The following MAML3 variants were observed in gnomAD, a reference collection of about 807,000 sequenced individuals.
MAML3 encodes mastermind like transcriptional coactivator 3, also known as mastermind-like protein 3.
MAML3 carries 27 observed loss-of-function variants against 101.9 expected under a neutral mutation model. The ratio of observed to expected loss-of-function variants is 0.27; its 90% CI spans 0.20 to 0.37. MAML3 has a LOEUF of 0.37. Among genes scored for constraint, MAML3 ranks in the 10% least tolerant of loss-of-function variants. MAML3 has a pLI of 1.00. For missense variants in MAML3, 1,316 were observed against 1,444.9 expected (o/e 0.91, Z 1.45); for synonymous variants, 501 against 555.9 (o/e 0.90, Z 1.39).
chr4:139,748,291 G>C (rs184288070), intron 2 of MAML3, among the ~76,000 whole-genome samples: 10 of 152,222 alleles, frequency 6.6e-5, no homozygotes, highest in African/African-American at 2.4e-4. Flanking sequence ...GGGGTTTCTA[G>C]GGCTGGTCAC....
intron 1 of MAML3, among the ~76,000 whole-genome samples, chr4:139,998,019 T>C (rs1734850765): frequency 1.3e-5 from 2 of 152,150 alleles, no homozygotes; most frequent in South Asian, 2.1e-4. Context: ...ACAGAGTTAG[T>C]TCTATTTGTT....
chr4:139,719,244 A>G lies in MAML3; in HGVS notation c.*79T>C. On this transcript the variant is annotated 3_prime_UTR_variant, in exon 5 of 5. Coordinates refer to ENST00000509479, the MANE Select transcript of MAML3 (RefSeq NM_018717.5). Reference sequence around the variant, plus strand: ...ACGTGGGTCAAAAAAACAAAAAACAAGGATGGGTCAACATCCTGTTTCTTT... The same window carrying G: ...ACGTGGGTCAAAAAAACAAAAAACAGGGATGGGTCAACATCCTGTTTCTTT... 6.8e-7 allele frequency: 1 copy of G among 1,477,862 alleles called. No homozygotes were observed. Among genetic ancestry groups the G allele is most frequent in the Non-Finnish European group, 9.0e-7 (1 of 1,110,382 alleles). The allele number at this position is 1,477,862 out of a possible 1,614,324, so 91.5% of individuals were successfully genotyped here. A position where few individuals can be genotyped will look rare whatever the true frequency, so the allele number is the denominator to read the frequency against.
intron 1 of MAML3, among the ~76,000 whole-genome samples, chr4:140,069,399 G>A (rs1453580814): frequency 5.1e-4 from 55 of 107,536 alleles, no homozygotes; most frequent in African/African-American, 1.8e-3. Flanking sequence ...GGAGGAGGAG[G>A]AGGAGGAGGA....
At chr4:139,730,806 AT>A in intron 2 of MAML3, 139 bp from the exon 3 acceptor site, 1 of 732,616 alleles carries the variant, frequency 1.4e-6, no homozygotes, top group South Asian at 1.9e-5. Context: ...CACGCATTGC[AT>A]TTCCATAAAC....
intron 1 of MAML3, among the ~76,000 whole-genome samples, chr4:139,959,051 G>A (rs1016845812): frequency 1.3e-5 from 2 of 152,176 alleles, no homozygotes; most frequent in African/African-American, 2.4e-5. Context: ...ACTAGTCTGT[G>A]TTGAGACTGA....
Position 139,730,399 on chromosome 4 carries a change from G to T in MAML3, c.2331+17C>A, listed in dbSNP as rs1240106348. 1 of 1,546,062 alleles carries T rather than the reference G, an allele frequency of 6.5e-7. No homozygotes were observed. The highest frequency in any genetic ancestry group is 8.7e-7 in the Non-Finnish European group (1 of 1,145,080). ...CTTGCTGAATGAATGAATGAATCAC[G>T]CCAAGGGGCATGTTACCTGTTCCGC... On this transcript the variant is annotated intron_variant, in intron 3 of 4. Transcript: ENST00000509479.
intron 2 of MAML3, among the ~76,000 whole-genome samples, chr4:139,790,086 C>A (rs113072963): frequency 1.3e-5 from 2 of 151,576 alleles, no homozygotes; most frequent in African/African-American, 4.8e-5. Context: ...GGACCCAGGA[C>A]CAACAAATTT....
At chr4:140,011,061 G>C (rs1726543697) in intron 1 of MAML3, among the ~76,000 whole-genome samples, 1 of 146,164 alleles carries the variant, frequency 6.8e-6, no homozygotes, top group African/African-American at 2.5e-5. Flanking sequence ...TGCACTGCTT[G>C]CACTCTAGCC....
At chr4:140,101,529 A>G (rs1284746501) in intron 1 of MAML3, among the ~76,000 whole-genome samples, 5 of 152,210 alleles carry the variant, frequency 3.3e-5, no homozygotes, top group Admixed American at 3.3e-4. Context: ...CTTCAGGAAC[A>G]ATTTGGTAGA....
At chr4:139,978,527 G>A (rs896392935) in intron 1 of MAML3, among the ~76,000 whole-genome samples, 2 of 150,512 alleles carry the variant, frequency 1.3e-5, no homozygotes, top group African/African-American at 4.9e-5. Flanking sequence ...TGGCGTCTCT[G>A]CCCTTTCTCC....
intron 1 of MAML3, among the ~76,000 whole-genome samples, chr4:139,940,115 G>A (rs1733575131): frequency 6.6e-6 from 1 of 152,098 alleles, no homozygotes; most frequent in South Asian, 2.1e-4. Context: ...CAAATAATTT[G>A]TCAGTGCCCT....
intron 1 of MAML3, among the ~76,000 whole-genome samples, chr4:139,905,880 A>C (rs1026867945): frequency 7.9e-5 from 12 of 152,154 alleles, no homozygotes; most frequent in Non-Finnish European, 1.8e-4. Context: ...CTATCTCCAA[A>C]TACTGTCACA....
intron 1 of MAML3, among the ~76,000 whole-genome samples, chr4:139,924,037 AT>A (rs1208696559): frequency 6.6e-6 from 1 of 152,200 alleles, no homozygotes; most frequent in Non-Finnish European, 1.5e-5. Flanking sequence ...CAGCAGAAAC[AT>A]TTTAATTTCT....
chr4:139,862,477 C>T (rs1217323097), intron 2 of MAML3, among the ~76,000 whole-genome samples: 1 of 152,218 alleles, frequency 6.6e-6, no homozygotes, highest in Non-Finnish European at 1.5e-5. Flanking sequence ...TTTTCTTGGA[C>T]AAACTTCCAC....
intron 1 of MAML3, among the ~76,000 whole-genome samples, chr4:139,908,861 G>A (rs537180444): frequency 6.6e-6 from 1 of 152,298 alleles, no homozygotes; most frequent in East Asian, 1.9e-4. Context: ...AACATGGAAT[G>A]ATTAATGGCC....
chr4:140,086,917 T>C (rs1385673334), intron 1 of MAML3, among the ~76,000 whole-genome samples: 1 of 152,140 alleles, frequency 6.6e-6, no homozygotes, highest in Non-Finnish European at 1.5e-5. Flanking sequence ...CCCAGCACTT[T>C]GGGAGGGTGA....
chr4:140,147,601 T>C (rs1729087138), intron 1 of MAML3, among the ~76,000 whole-genome samples: 1 of 152,192 alleles, frequency 6.6e-6, no homozygotes, highest in Non-Finnish European at 1.5e-5. Context: ...AATGTAAAGC[T>C]ATTTGGGAGA....
intron 2 of MAML3, among the ~76,000 whole-genome samples, chr4:139,782,785 G>A (rs991929859): frequency 6.6e-6 from 1 of 152,134 alleles, no homozygotes; most frequent in Non-Finnish European, 1.5e-5. Context: ...TAAGACAGGA[G>A]GCCTCTGATG....
intron 1 of MAML3, among the ~76,000 whole-genome samples, chr4:139,981,030 G>A (rs908733989): frequency 1.3e-5 from 2 of 152,168 alleles, no homozygotes; most frequent in Admixed American, 1.3e-4. Flanking sequence ...TTTAGAAATA[G>A]TATATTAGTT....
Sources: gnomAD v4.1 joint callset for allele counts (sites outside exome capture counted in the v4.1 genomes callset) on GRCh38, gnomAD v4.1.1 for gene constraint, MANE v1.5 for transcripts, NCBI Gene and HGNC (gene_info 2026-07-23, HGNC 2026-07-21) for gene names.